THNSL1: variants seen among roughly 807,000 people sequenced by gnomAD.
THNSL1 encodes threonine synthase-like 1.
Under a neutral mutation model 50.4 loss-of-function variants are expected in THNSL1, and 48 were observed. That is an observed-to-expected ratio of 0.95 (90% CI 0.76 to 1.21). The LOEUF (loss-of-function observed/expected upper bound fraction) is 1.21, where lower values mean the gene tolerates loss of function less well. Among genes scored for constraint, THNSL1 ranks in the 50% most tolerant of loss-of-function variants. THNSL1 has a pLI of 0.00. For missense variants in THNSL1, 896 were observed against 871.7 expected, an observed-to-expected ratio of 1.03 and a Z score of -0.35; for synonymous variants, 309 against 306.1, an observed-to-expected ratio of 1.01 and a Z score of -0.10.
the THNSL1 span, chr10:24,983,820 A>G: frequency 1.3e-5 from 2 of 152,166 alleles, no homozygotes. Flanking sequence ...AAATTTTTCT[A>G]ATTTAAAATT....
the THNSL1 span, among the ~76,000 whole-genome samples, chr10:24,955,253 G>A: frequency 1.3e-5 from 2 of 152,254 alleles, no homozygotes; most frequent in African/African-American, 4.8e-5. Flanking sequence ...CCACCCCCAT[G>A]AGCCAATCAC....
At chr10:24,964,837 C>T in the THNSL1 span, among the ~76,000 whole-genome samples, 8 of 152,118 alleles carry the variant, frequency 5.3e-5, no homozygotes, top group African/African-American at 1.9e-4. Context: ...CCCAGGTGGG[C>T]AGATGGTTTG....
the THNSL1 span, among the ~76,000 whole-genome samples, chr10:24,989,149 A>G: frequency 6.6e-6 from 1 of 152,164 alleles, no homozygotes; most frequent in East Asian, 1.9e-4. Context: ...TGGCTTTCAC[A>G]AAGGCACGTA....
At chr10:24,967,133 G>T in the THNSL1 span, among the ~76,000 whole-genome samples, 2 of 152,078 alleles carry the variant, frequency 1.3e-5, no homozygotes, top group Non-Finnish European at 2.9e-5. Context: ...TGGGCTCCAC[G>T]AATTCAGAGC....
the THNSL1 span, among the ~76,000 whole-genome samples, chr10:25,003,172 TAA>T: frequency 7.2e-4 from 108 of 150,038 alleles, 1 homozygote; most frequent in South Asian, 1.5e-3. Context: ...ATTAATTAAT[TAA>T]TTAATTAATT....
At chr10:24,967,002 A>AT in the THNSL1 span, among the ~76,000 whole-genome samples, 713 of 148,356 alleles carry the variant, frequency 4.8e-3, 6 homozygotes, top group African/African-American at 0.015. Context: ...ATAACAATTT[A>AT]TTTTTTTTTT....
the THNSL1 span, among the ~76,000 whole-genome samples, chr10:24,975,513 A>C: frequency 6.6e-6 from 1 of 152,116 alleles, no homozygotes; most frequent in Non-Finnish European, 1.5e-5. Flanking sequence ...GTTGAGGGAG[A>C]GACTGACGGG....
the THNSL1 span, among the ~76,000 whole-genome samples, chr10:24,967,285 C>G: frequency 6.6e-6 from 1 of 152,114 alleles, no homozygotes; most frequent in African/African-American, 2.4e-5. Context: ...GTTCTTCTGT[C>G]ATTACTCTAC....
At chr10:24,977,265 A>G in the THNSL1 span, among the ~76,000 whole-genome samples, 1 of 152,360 alleles carries the variant, frequency 6.6e-6, no homozygotes, top group Admixed American at 6.5e-5. Flanking sequence ...TTTTCATACT[A>G]TGGATACTTA....
the THNSL1 span, among the ~76,000 whole-genome samples, chr10:24,966,415 G>A: frequency 6.6e-6 from 1 of 152,214 alleles, no homozygotes; most frequent in African/African-American, 2.4e-5. Context: ...GCTTTCTTCA[G>A]TCCTTTCTCC....
the THNSL1 span, among the ~76,000 whole-genome samples, chr10:24,978,510 TCTC>T: frequency 1.3e-5 from 2 of 151,324 alleles, no homozygotes; most frequent in Non-Finnish European, 2.9e-5. Context: ...TCTCTCTCTC[TCTC>T]TTTATAAATA....
At chr10:24,952,543 G>C in the THNSL1 span, 1 of 1,590,780 alleles carries the variant, frequency 6.3e-7, no homozygotes, top group Non-Finnish European at 8.6e-7. This position sits in a 1 kb window ranked among gnomAD's most constrained non-coding sequence, Gnocchi z 5.1. Context: ...CGCCTCGCCC[G>C]TAGTCTGGCG....
At chr10:24,953,188 C>G in the THNSL1 span, 1 of 152,484 alleles carries the variant, frequency 6.6e-6, no homozygotes, top group East Asian at 1.9e-4. Context: ...GCTCATCTCC[C>G]TCCACCTCCC....
chr10:25,003,253 C>A, the THNSL1 span, among the ~76,000 whole-genome samples: 1 of 152,068 alleles, frequency 6.6e-6, no homozygotes, highest in East Asian at 1.9e-4. Flanking sequence ...GTTGCCCAGG[C>A]TGGAGTGCAG....
chr10:24,981,402 C>T, the THNSL1 span, among the ~76,000 whole-genome samples: 1 of 152,122 alleles, frequency 6.6e-6, no homozygotes, highest in Non-Finnish European at 1.5e-5. Flanking sequence ...TTGCCAGTTA[C>T]TAGAGATAAA....
chr10:24,954,905 A>G, the THNSL1 span, among the ~76,000 whole-genome samples: 1 of 152,220 alleles, frequency 6.6e-6, no homozygotes, highest in African/African-American at 2.4e-5. Context: ...TTAATCTTGC[A>G]TTATGAGGAT....
the THNSL1 span, among the ~76,000 whole-genome samples, chr10:24,989,707 C>T: frequency 6.6e-6 from 1 of 152,100 alleles, no homozygotes; most frequent in African/African-American, 2.4e-5. Flanking sequence ...CATATGAATC[C>T]ATTTTTCAAC....
In THNSL1 at chr10:25,025,379, A is replaced by C. The variant is rs760597981; in HGVS notation, c.2156A>C (p.Glu719Ala). 3 of 1,614,244 alleles carry C rather than the reference A, an allele frequency of 1.9e-6. No individual in the cohort carries two copies. The Admixed American group carries it at 5.0e-5, about 27-fold the overall frequency. The change falls in exon 3 of 3, where the codon GAG becomes GCG. Residue 719 changes from glutamate (E) to alanine (A), a missense_variant. Coordinates refer to ENST00000376356, the MANE Select transcript of THNSL1 (RefSeq NM_024838.5). ...AGAACAAAACAGCAAGAGAAGATGG[A>C]GTACCAGGTCTGTGCAGCTGATATG... ...LERTKQQEKM[E>A]YQVCAADMNV...
rs780576790 is a variant in THNSL1, at chr10:25,025,322, C to T, written c.2099C>T (p.Ala700Val). ...CTCTATTTGCTGGGTTCATACAATG[C>T]ATTACCTCCACTGCATGAGGCTTTA... is the stretch of plus-strand genomic sequence containing the variant. ...SQLYLLGSYN[A>V]LPPLHEALLE... Residue 700 changes from alanine (A) to valine (V), a missense_variant, in exon 3 of 3, where the codon GCA becomes GTA. Coordinates refer to ENST00000376356, the MANE Select transcript of THNSL1 (RefSeq NM_024838.5). 1 of 1,614,056 alleles carries T rather than the reference C, an allele frequency of 6.2e-7. No individual in the cohort carries two copies. Among genetic ancestry groups the T allele is most frequent in the East Asian group, 2.2e-5 (1 of 44,902 alleles).
Sources: gnomAD v4.1 joint callset for allele counts (sites outside exome capture counted in the v4.1 genomes callset) on GRCh38, gnomAD v4.1.1 for gene constraint, Gnocchi (gnomAD v3.1) non-coding constraint, MANE v1.5 for transcripts, NCBI Gene and HGNC (gene_info 2026-07-23, HGNC 2026-07-21) for gene names.